Variants in FRY observed in about 807,000 individuals in gnomAD.
FRY encodes FRY microtubule binding protein, also known as protein furry homolog.
FRY carries 128 observed loss-of-function variants against 348.4 expected under a neutral mutation model. The observed-to-expected ratio is 0.37, with a 90% confidence interval of 0.32 to 0.43. FRY has a LOEUF of 0.43. Ranked by LOEUF, FRY falls within the 20% of genes least tolerant of loss-of-function variation. The pLI is 1.00. For missense variants in FRY, 2,736 were observed against 3,695.2 expected, an observed-to-expected ratio of 0.74 and a Z score of 6.73; for synonymous variants, 1,370 against 1,374.7, an observed-to-expected ratio of 1.00 and a Z score of 0.08.
At chr13:32,159,736 C>A (rs1238788057) in intron 16 of FRY, among the ~76,000 whole-genome samples, 2 of 152,156 alleles carry the variant, frequency 1.3e-5, no homozygotes, top group Non-Finnish European at 2.9e-5. Flanking sequence ...TAAAAATAAT[C>A]CCAGCTGTTA....
intron 18 of FRY, among the ~76,000 whole-genome samples, chr13:32,172,577 G>A (rs1202483645): frequency 1.3e-5 from 2 of 152,168 alleles, no homozygotes; most frequent in African/African-American, 4.8e-5. Context: ...GAACCAGGGT[G>A]GTGGGAACTT....
At chr13:32,264,839 G>A (rs957275399) in intron 53 of FRY, among the ~76,000 whole-genome samples, 4 of 152,290 alleles carry the variant, frequency 2.6e-5, no homozygotes, top group South Asian at 2.1e-4. Context: ...TGGAAAGACC[G>A]AGCAACCCAG....
rs747166863 is a variant in FRY at position 32,267,179 on chromosome 13, A to G, written c.7956A>G (p.Glu2652=). Residue 2652 remains glutamate, a synonymous_variant, in exon 55 of 61, where the codon GAA becomes GAG. Coordinates refer to ENST00000542859, the MANE Select transcript of FRY (RefSeq NM_023037.3). ...LDQFTLASFG[E]GDRGVSPPPS... ...TTTTCATTTTTTCCAGCTTTGGAGA[A>G]GGTGACAGGGGAGTCTCTCCCCCTC... 15 of 1,614,012 alleles carry G rather than the reference A, an allele frequency of 9.3e-6. No homozygotes were observed. In the East Asian group the frequency reaches 3.3e-4, roughly 36 times the overall value.
At chr13:32,178,141 C>A in intron 20 of FRY, 36 bp from the exon 21 acceptor site, 1 of 1,612,098 alleles carries the variant, frequency 6.2e-7, no homozygotes, top group Non-Finnish European at 8.5e-7. Context: ...AACTTCAGTT[C>A]GGGTTTAACT....
intron 1 of FRY, among the ~76,000 whole-genome samples, chr13:32,045,870 A>G (rs1593556523): frequency 6.6e-6 from 1 of 152,240 alleles, no homozygotes; most frequent in Non-Finnish European, 1.5e-5. Context: ...TTGACAAGGC[A>G]TAATGTAGAA....
intron 2 of FRY, among the ~76,000 whole-genome samples, chr13:32,087,285 A>G (rs933794525): frequency 6.6e-6 from 1 of 152,230 alleles, no homozygotes; most frequent in Admixed American, 6.5e-5. Context: ...TAATGACAGC[A>G]TTACTGCTTG....
intron 1 of FRY, among the ~76,000 whole-genome samples, chr13:32,032,818 A>AT (rs1211963881): frequency 6.6e-6 from 1 of 152,150 alleles, no homozygotes; most frequent in East Asian, 1.9e-4. Flanking sequence ...AAATAAAAAA[A>AT]TTTTTTCCCC....
At chr13:32,178,491 A>C in intron 21 of FRY, 55 bp downstream of exon 21, 3 of 1,586,572 alleles carry the variant, frequency 1.9e-6, no homozygotes, top group Non-Finnish European at 2.6e-6. Context: ...TGCCCTCTTA[A>C]ATTTTCATTT....
chr13:32,131,925 C>G, intron 8 of FRY, 85 bp downstream of exon 8: 1 of 1,033,846 alleles, frequency 9.7e-7, no homozygotes. Context: ...CATGAAAAGC[C>G]AATTACTTGT....
rs567926452 is a variant in FRY at position 32,244,979 on chromosome 13, G to A, written c.6828+797G>A. 4.6e-5 allele frequency among the ~76,000 whole-genome samples: 7 copies of A among 151,976 alleles called. No homozygotes were observed. The East Asian group carries it at 1.2e-3, about 25-fold the overall frequency. On this transcript the variant is annotated intron_variant, in intron 47 of 60. Transcript: ENST00000542859. ...GATTGATTTTTTTTTTCAAAACTGA[G>A]TCTCGCTCTGTCCAGGCTGGAGTGC... is the stretch of plus-strand genomic sequence containing the variant.
chr13:32,175,572 C>A lies in FRY; in HGVS notation c.2361C>A (p.Val787=). The A allele has an allele frequency of 6.2e-7, 1 of 1,611,784 alleles. No individual in the cohort carries two copies. The highest frequency in any genetic ancestry group is 8.5e-7 in the Non-Finnish European group (1 of 1,177,850). ...PEDDDRPMID[V]MDQLSSSILE... ...ATGACGACAGGCCGATGATTGATGT[C>A]ATGGATCAGCTAAGTTCTTCCATTC... Residue 787 remains valine, a synonymous_variant, in exon 20 of 61, where the codon GTC becomes GTA. Coordinates refer to ENST00000542859, the MANE Select transcript of FRY (RefSeq NM_023037.3).
intron 28 of FRY, among the ~76,000 whole-genome samples, chr13:32,189,308 G>C (rs1883199323): frequency 6.6e-6 from 1 of 152,012 alleles, no homozygotes; most frequent in South Asian, 2.1e-4. Context: ...GTTATAACAA[G>C]TTAGCACAAG....
chr13:32,034,633 T>A (rs1593548043), intron 1 of FRY, among the ~76,000 whole-genome samples: 1 of 152,200 alleles, frequency 6.6e-6, no homozygotes, highest in African/African-American at 2.4e-5. Context: ...TTGTTAATCA[T>A]GGCCACAGCC....
At chr13:32,289,539 TA>T (rs890004129) in intron 58 of FRY, 93 bp from the exon 59 acceptor site, 437 of 750,722 alleles carry the variant, frequency 5.8e-4, no homozygotes, top group Non-Finnish European at 7.0e-4. Context: ...TTTCTTAATT[TA>T]AAAAAAAAGT....
intron 1 of FRY, among the ~76,000 whole-genome samples, chr13:32,071,648 G>T (rs900895902): frequency 6.6e-6 from 1 of 152,146 alleles, no homozygotes; most frequent in African/African-American, 2.4e-5. Context: ...ATACAAGCAT[G>T]ATTCCACGTA....
rs200800031 is a variant in FRY at position 32,239,283 on chromosome 13, T to G, written c.6450T>G (p.Pro2150=). Residue 2150 remains proline, a synonymous_variant, in exon 45 of 61, where the codon CCT becomes CCG. Transcript: ENST00000542859. This position sits in a 1 kb window ranked among gnomAD's most constrained non-coding sequence, Gnocchi z 4.3. ...CACTGAATGTCTTGTGTCTCCTGCC[T>G]CAGCTGATTCAGCATTTTGAAAATC... ...GFPLNVLCLL[P]QLIQHFENPN... 6.5e-5 allele frequency: 105 copies of G among 1,610,574 alleles called. No individual in the cohort carries two copies. The East Asian group carries it at 2.3e-3, about 35-fold the overall frequency.
At chr13:32,061,103 A>G (rs1873916340) in intron 1 of FRY, 3 of 533,354 alleles carry the variant, frequency 5.6e-6, no homozygotes, top group South Asian at 4.2e-5. Context: ...TTTCAGGCTC[A>G]TGGAGATTAC....
At chr13:32,161,019 T>G (rs1881413773) in intron 16 of FRY, 125 bp from the exon 17 acceptor site, 1 of 714,852 alleles carries the variant, frequency 1.4e-6, no homozygotes, top group South Asian at 1.5e-5. Flanking sequence ...GAGAGTAATA[T>G]GGAGCTAACA....
rs59585678 is a variant in FRY at position 32,145,526 on chromosome 13, GT to G, written c.1180-1727del. On this transcript the variant is annotated intron_variant, in intron 11 of 60. Transcript: ENST00000542859. Reference sequence around the variant, plus strand: ...CCACACTCCCCTCTCTGACTGATTTGTTTTTTTTTTTTTTTTTTTTTTTTTT... The same window carrying G: ...CCACACTCCCCTCTCTGACTGATTTGTTTTTTTTTTTTTTTTTTTTTTTTT... Among the ~76,000 whole-genome samples, 152 of 91,472 alleles carry G rather than the reference GT, an allele frequency of 1.7e-3. 2 individuals are homozygous for G. The highest frequency in any genetic ancestry group is 2.5e-3 in the African/African-American group (60 of 24,102). 60.0% of individuals were successfully genotyped at this position (91,472 alleles called of 152,430 possible).
Sources: gnomAD v4.1 joint callset for allele counts (sites outside exome capture counted in the v4.1 genomes callset) on GRCh38, gnomAD v4.1.1 for gene constraint, Gnocchi (gnomAD v3.1) non-coding constraint, MANE v1.5 for transcripts, NCBI Gene and HGNC (gene_info 2026-07-23, HGNC 2026-07-21) for gene names.